Variants in SIAE observed in about 807,000 individuals in gnomAD.
SIAE encodes the protein sialic acid acetylesterase, also known as sialate O-acetylesterase.
SIAE carries 39 observed loss-of-function variants against 52.6 expected under a neutral mutation model. The ratio of observed to expected loss-of-function variants is 0.74; its 90% CI spans 0.57 to 0.97. The LOEUF is 0.97. Among genes scored for constraint, SIAE ranks in the 50% least tolerant of loss-of-function variants. SIAE has a pLI of 0.00. For synonymous variants in SIAE, 233 were observed against 241.4 expected (o/e 0.97, Z 0.32); for missense variants, 592 against 662.1 (o/e 0.89, Z 1.16).
At chr11:124,649,486 A>T in intron 5 of SIAE, 133 bp downstream of exon 5, 1 of 991,812 alleles carries the variant, frequency 1.0e-6, no homozygotes, top group South Asian at 1.3e-5. Context: ...TTCCCTCTAC[A>T]TGAATAAATT....
At chr11:124,644,699 C>T (rs1942905957) in intron 7 of SIAE, among the ~76,000 whole-genome samples, 1 of 152,208 alleles carries the variant, frequency 6.6e-6, no homozygotes, top group African/African-American at 2.4e-5. Context: ...GTCTGTTCAA[C>T]TGTTCCTCCA....
rs1276735998 is a variant in SIAE at position 124,639,703 on chromosome 11, A to G, written c.1124+7T>C. 6.2e-7 allele frequency: 1 copy of G among 1,613,888 alleles called. No homozygotes were observed. The highest frequency in any genetic ancestry group is 8.5e-7 in the Non-Finnish European group (1 of 1,179,902). On this transcript the variant is annotated splice_region_variant and intron_variant, in intron 8 of 9. Transcript: ENST00000263593. ...CTGTTCATGCAAAGCCCAAGAAGCA[A>G]TCATACCTGCCAAAAGGCGAGTCTC...
rs540334222 is a variant in SIAE, at chr11:124,672,358, C to T, written c.67+1284G>A. On this transcript the variant is annotated intron_variant, in intron 1 of 9. Transcript: ENST00000263593. ...CACAATGGCAGGCTCAATAGACTGG[C>T]AATGTTCTAGTTCTTAAGTTGGGTA... 5.3e-5 allele frequency among the ~76,000 whole-genome samples: 8 copies of T among 152,142 alleles called. 1 individual carries two copies. The South Asian group carries it at 1.7e-3, about 32-fold the overall frequency.
intron 1 of SIAE, 82 bp from the exon 2 acceptor site, chr11:124,669,603 TAC>T (rs763700366): frequency 2.7e-5 from 34 of 1,280,170 alleles, no homozygotes; most frequent in East Asian, 4.7e-5. Context: ...GCAAAGAACA[TAC>T]AGTCTTTATG....
rs1044318006 is a variant in SIAE, at chr11:124,636,379, A to G, written c.*572T>C. On this transcript the variant is annotated 3_prime_UTR_variant, in exon 10 of 10. Coordinates refer to ENST00000263593, the MANE Select transcript of SIAE (RefSeq NM_170601.5). The stretch of plus-strand genomic sequence containing the variant: ...GGAGAAAGAAAGATTTCGGTTCCAC[A>G]TAAGGAAAAACTTGGAAAGTTTTGA... The G allele has an allele frequency of 6.4e-6, 1 of 157,142 alleles. No individual in the cohort carries two copies. The highest frequency in any genetic ancestry group is 1.4e-5 in the Non-Finnish European group (1 of 70,686). 9.7% of individuals were successfully genotyped at this position (157,142 alleles called of 1,614,324 possible). A position where few individuals can be genotyped will look rare whatever the true frequency, so the allele number is the denominator to read the frequency against.
In SIAE at chr11:124,639,869, T is replaced by C. The variant is rs779493392; in HGVS notation, c.967-2A>G. The C allele has an allele frequency of 1.2e-6, 2 of 1,614,040 alleles. No homozygotes were observed. Among genetic ancestry groups the C allele is most frequent in the South Asian group, 1.1e-5 (1 of 91,084 alleles). On this transcript the variant is annotated splice_acceptor_variant, in intron 7 of 9. Transcript: ENST00000263593. LOFTEE classifies it high-confidence loss of function. ...CTTCTTAGACAAATCTGAAGATAAC[T>C]AGAAAGCAGAGACATTGCTAATTTT...
chr11:124,667,130 T>A (rs902104103), intron 2 of SIAE, among the ~76,000 whole-genome samples: 3 of 152,344 alleles, frequency 2.0e-5, no homozygotes, highest in African/African-American at 4.8e-5. Context: ...ACCATGTAAA[T>A]CCCACTTCTT....
rs1014174441 is a variant in SIAE, at chr11:124,635,956, T to C, written c.*995A>G. On this transcript the variant is annotated 3_prime_UTR_variant, in exon 10 of 10. Coordinates refer to ENST00000263593, the MANE Select transcript of SIAE (RefSeq NM_170601.5). ...TGTATCATCTGCATTTTTTTTTATA[T>C]GCTTGTCATGTGGCTTTACTTTCAG... 7 of 152,360 alleles carry C rather than the reference T, an allele frequency of 4.6e-5. No individual in the cohort carries two copies. Among genetic ancestry groups the C allele is most frequent in the Admixed American group, 4.6e-4 (7 of 15,308 alleles). The allele number at this position is 152,360 out of a possible 1,614,324, so 9.4% of individuals were successfully genotyped here.
At chr11:124,658,627 G>A (rs894277203) in intron 3 of SIAE, among the ~76,000 whole-genome samples, 1 of 152,140 alleles carries the variant, frequency 6.6e-6, no homozygotes, top group African/African-American at 2.4e-5. Flanking sequence ...CTCACTCAGC[G>A]TTATAAATAA....
chr11:124,639,959 G>T (rs940623417), intron 7 of SIAE, 92 bp from the exon 8 acceptor site: 17 of 1,398,564 alleles, frequency 1.2e-5, no homozygotes, highest in Admixed American at 1.0e-4. Context: ...TTCTCTCATT[G>T]CATTTAAATG....
At chr11:124,648,329 A>G (rs1942970600) in intron 5 of SIAE, among the ~76,000 whole-genome samples, 154 bp from the exon 6 acceptor site, 1 of 152,248 alleles carries the variant, frequency 6.6e-6, no homozygotes, top group African/African-American at 2.4e-5. Flanking sequence ...TCTTGAAAAC[A>G]TATGAATATT....
chr11:124,651,089 C>T (rs899749571), intron 4 of SIAE, among the ~76,000 whole-genome samples: 2 of 152,066 alleles, frequency 1.3e-5, no homozygotes, highest in African/African-American at 4.8e-5. Context: ...CACTGGCACT[C>T]CAAAAGTAGA....
intron 3 of SIAE, chr11:124,660,334 G>A (rs115270018): frequency 0.016 from 5,594 of 353,180 alleles, 268 homozygotes; most frequent in African/African-American, 0.11. Flanking sequence ...AAATCAACTT[G>A]AGAAGAAACT....
chr11:124,672,848 T>C (rs1368921289), intron 1 of SIAE, among the ~76,000 whole-genome samples: 1 of 152,206 alleles, frequency 6.6e-6, no homozygotes, highest in East Asian at 1.9e-4. Flanking sequence ...CCAACTATCA[T>C]TTCTTAACAG....
intron 2 of SIAE, among the ~76,000 whole-genome samples, chr11:124,664,176 T>G (rs915154565): frequency 1.3e-5 from 2 of 152,056 alleles, no homozygotes; most frequent in Admixed American, 1.3e-4. Context: ...AAGAGAGCCA[T>G]GCAAATTGAC....
chr11:124,675,496 C>G, upstream of SIAE: 6 of 1,496,040 alleles, frequency 4.0e-6, no homozygotes, highest in South Asian at 7.8e-5. Flanking sequence ...TTAAGACCAT[C>G]TCCATTCTGC....
At position 124,673,663 on chromosome 11, in the gene SIAE, G is replaced by A; in HGVS notation, c.46C>T (p.Leu16=). The change falls in exon 1 of 10, where the codon CTG becomes TTG. Residue 16 remains leucine, a synonymous_variant. Coordinates refer to ENST00000263593, the MANE Select transcript of SIAE (RefSeq NM_170601.5). ...LVLGLVLPLI[L]WADRSAGIGF... ...TCACCTGCACTTCTGTCGGCCCACA[G>A]GATTAATGGCAGCACCAGCCCGAGT... 6.2e-7 allele frequency: 1 copy of A among 1,613,784 alleles called. No homozygotes were observed. The highest frequency in any genetic ancestry group is 8.5e-7 in the Non-Finnish European group (1 of 1,179,842).
intron 1 of SIAE, among the ~76,000 whole-genome samples, chr11:124,672,603 A>G (rs758569130): frequency 6.6e-6 from 1 of 152,212 alleles, no homozygotes; most frequent in Non-Finnish European, 1.5e-5. Context: ...TGACACTAAA[A>G]TAAACAGCCT....
At chr11:124,658,386 A>G (rs1943132681) in intron 3 of SIAE, among the ~76,000 whole-genome samples, 1 of 151,880 alleles carries the variant, frequency 6.6e-6, no homozygotes, top group Non-Finnish European at 1.5e-5. Context: ...CCAGCCTCAT[A>G]AGTCCTGTGA....
Sources: allele counts gnomAD v4.1 joint callset (sites outside exome capture counted in the v4.1 genomes callset), GRCh38; gene constraint gnomAD v4.1.1; transcripts MANE v1.5; gene names NCBI Gene and HGNC (gene_info 2026-07-23, HGNC 2026-07-21).